COL4A1: variants seen among roughly 807,000 people sequenced by gnomAD.
COL4A1 encodes collagen type IV alpha 1 chain.
COL4A1 carries 40 observed loss-of-function variants against 216.6 expected under a neutral mutation model. The observed-to-expected ratio is 0.18, with a 90% confidence interval of 0.14 to 0.24. The LOEUF is 0.24. COL4A1 is among the 10% of genes least tolerant of loss of function. The pLI is 1.00. For missense variants in COL4A1, 1,628 were observed against 2,196.8 expected (o/e 0.74, Z 5.18); for synonymous variants, 839 against 810.7 (o/e 1.03, Z -0.59).
Position 110,307,036 on chromosome 13 carries a change from G to C in COL4A1, c.-9C>G, listed in dbSNP as rs755242423. The C allele has an allele frequency of 1.3e-5, 19 of 1,457,730 alleles. No homozygotes were observed. The highest frequency in any genetic ancestry group is 1.8e-6 in the Non-Finnish European group (2 of 1,109,822). 90.3% of individuals were successfully genotyped at this position (1,457,730 alleles called of 1,614,324 possible). On this transcript the variant is annotated 5_prime_UTR_variant, in exon 1 of 52. Transcript: ENST00000375820. The surrounding 1 kb of genome is among the most constrained non-coding windows in gnomAD (Gnocchi z 5.0). ...CTGAGCCGGGGCCCCATGGTGGCGC[G>C]CCCGAGGCGGCGAGGGACGGCTGCC...
At chr13:110,305,423 C>T (rs1430723795) in intron 1 of COL4A1, among the ~76,000 whole-genome samples, 2 of 152,248 alleles carry the variant, frequency 1.3e-5, no homozygotes, top group African/African-American at 4.8e-5. Flanking sequence ...TTACAGTTAG[C>T]TTTCTTTGCT....
In COL4A1 at chr13:110,211,681, A is replaced by G. The variant is rs1277769485; in HGVS notation, c.442-8T>C. On this transcript the variant is annotated splice_region_variant and splice_polypyrimidine_tract_variant and intron_variant, in intron 7 of 51. Transcript: ENST00000375820. This position sits in a 1 kb window ranked among gnomAD's most constrained non-coding sequence, Gnocchi z 4.3. The stretch of plus-strand genomic sequence containing the variant: ...TGGTAAGCCTGGTGGTCCCTAAAAA[A>G]GAAAGTTTTGGTGTTAGTTTTGTTT... 1 of 1,611,288 alleles carries G rather than the reference A, an allele frequency of 6.2e-7. No homozygotes were observed. The highest frequency in any genetic ancestry group is 8.5e-7 in the Non-Finnish European group (1 of 1,178,866).
Position 110,177,917 on chromosome 13 carries a change from T to G in COL4A1, c.2641A>C (p.Met881Leu). ...IPGFPGSKGEMGVMGTPGQPG... is the reference protein window; with the variant it reads ...IPGFPGSKGELGVMGTPGQPG... ...TGCCCGGGGGTCCCCATGACGCCCATTTCTCCCTTGGAACCTGTGGCCAAA... is the reference window on the plus strand; with the variant it reads ...TGCCCGGGGGTCCCCATGACGCCCAGTTCTCCCTTGGAACCTGTGGCCAAA... The change falls in exon 33 of 52, where the codon ATG (methionine) becomes CTG (leucine). Residue 881 changes from methionine (M) to leucine (L), a missense_variant. Physicochemically the swap from Met to Leu is conservative, Grantham distance 15. Transcript: ENST00000375820. 6.2e-7 allele frequency: 1 copy of G among 1,614,110 alleles called. No homozygotes were observed. The highest frequency in any genetic ancestry group is 8.5e-7 in the Non-Finnish European group (1 of 1,180,002).
chr13:110,210,516 T>C (rs919737212), intron 8 of COL4A1, among the ~76,000 whole-genome samples: 2 of 152,168 alleles, frequency 1.3e-5, no homozygotes, highest in Non-Finnish European at 2.9e-5. Context: ...CAAGGGCCCT[T>C]GTCTCTGGTT....
chr13:110,176,128 C>T (rs1877874777), intron 36 of COL4A1, among the ~76,000 whole-genome samples: 1 of 152,254 alleles, frequency 6.6e-6, no homozygotes, highest in Admixed American at 6.5e-5. Context: ...GCCGTCGTCT[C>T]TTAGGGAGAT....
At chr13:110,275,897 G>T (rs988882264) in intron 1 of COL4A1, among the ~76,000 whole-genome samples, 1 of 152,184 alleles carries the variant, frequency 6.6e-6, no homozygotes, top group Non-Finnish European at 1.5e-5. Flanking sequence ...TTTGCCAGGG[G>T]TCAGAGGTAA....
intron 1 of COL4A1, among the ~76,000 whole-genome samples, chr13:110,274,694 G>A (rs1440879597): frequency 2.0e-5 from 3 of 152,126 alleles, no homozygotes; most frequent in African/African-American, 4.8e-5. Context: ...ACCAAGAGTG[G>A]CCTGGCTGTG....
chr13:110,199,028 A>G (rs1167873617), intron 20 of COL4A1, among the ~76,000 whole-genome samples: 1 of 152,216 alleles, frequency 6.6e-6, no homozygotes, highest in Non-Finnish European at 1.5e-5. Flanking sequence ...TGGGTTGGCA[A>G]TCTAGAAGAA....
At chr13:110,196,329 C>T (rs902866647) in intron 21 of COL4A1, among the ~76,000 whole-genome samples, 1 of 152,160 alleles carries the variant, frequency 6.6e-6, no homozygotes, top group African/African-American at 2.4e-5. Context: ...GTTAGCCCTT[C>T]GACATTGGTG....
At chr13:110,163,694 G>A (rs1002764530) in intron 46 of COL4A1, 133 bp from the exon 47 acceptor site, 20 of 871,892 alleles carry the variant, frequency 2.3e-5, no homozygotes, top group African/African-American at 1.7e-4. Flanking sequence ...ACGTTTTCTC[G>A]GACAGCCAGG....
intron 1 of COL4A1, among the ~76,000 whole-genome samples, chr13:110,297,337 C>T (rs1884314638): frequency 6.6e-6 from 1 of 152,176 alleles, no homozygotes; most frequent in Non-Finnish European, 1.5e-5. Flanking sequence ...CAAAGATCTA[C>T]TTCACAGCAT....
intron 41 of COL4A1, among the ~76,000 whole-genome samples, chr13:110,171,388 G>A (rs1339595770): frequency 6.6e-6 from 1 of 152,132 alleles, no homozygotes; most frequent in Non-Finnish European, 1.5e-5. Context: ...TCTAGAATGT[G>A]GGGATGTTTT....
At chr13:110,206,942 G>GTTA in intron 13 of COL4A1, 51 bp from the exon 14 acceptor site, 1 of 1,571,750 alleles carries the variant, frequency 6.4e-7, no homozygotes, top group Non-Finnish European at 8.7e-7. Context: ...TGTATCATTT[G>GTTA]TTATATGCTG....
At chr13:110,278,782 T>C (rs1232746008) in intron 1 of COL4A1, among the ~76,000 whole-genome samples, 3 of 152,204 alleles carry the variant, frequency 2.0e-5, no homozygotes, top group Non-Finnish European at 2.9e-5. Context: ...CCACGCCTCT[T>C]GACAGGATCA....
intron 2 of COL4A1, among the ~76,000 whole-genome samples, chr13:110,214,944 G>A (rs1265357836): frequency 6.6e-6 from 1 of 152,198 alleles, no homozygotes; most frequent in African/African-American, 2.4e-5. Flanking sequence ...TTGAGGGCAG[G>A]AAATATTTAT....
intron 2 of COL4A1, among the ~76,000 whole-genome samples, chr13:110,240,636 G>A (rs372669955): frequency 5.3e-5 from 8 of 152,328 alleles, no homozygotes; most frequent in African/African-American, 1.4e-4. Context: ...AAATGTTGGC[G>A]GCCCCTTTCC....
chr13:110,217,965 C>G (rs1188680396), intron 2 of COL4A1, among the ~76,000 whole-genome samples: 1 of 152,126 alleles, frequency 6.6e-6, no homozygotes, highest in Non-Finnish European at 1.5e-5. Context: ...TTATAATACC[C>G]AATTATTTCC....
At chr13:110,210,405 T>C (rs1045950406) in intron 8 of COL4A1, among the ~76,000 whole-genome samples, 193 bp from the exon 9 acceptor site, 2 of 152,068 alleles carry the variant, frequency 1.3e-5, no homozygotes, top group African/African-American at 2.4e-5. Flanking sequence ...TGGCCAGCGT[T>C]AACCACTGCC....
chr13:110,201,621 ATTTC>A, intron 18 of COL4A1, 99 bp from the exon 19 acceptor site: 3 of 1,065,142 alleles, frequency 2.8e-6, no homozygotes, highest in Non-Finnish European at 4.4e-6. Flanking sequence ...ATTTGTTTTT[ATTTC>A]AAGAAATATG....
Sources: gnomAD v4.1 joint callset for allele counts (sites outside exome capture counted in the v4.1 genomes callset) on GRCh38, gnomAD v4.1.1 for gene constraint, Gnocchi (gnomAD v3.1) non-coding constraint, MANE v1.5 for transcripts, NCBI Gene and HGNC (gene_info 2026-07-23, HGNC 2026-07-21) for gene names.